CT45A1: variants seen among roughly 807,000 people sequenced by gnomAD.
The protein encoded by CT45A1 is cancer/testis antigen 45-1.
At chrX:135,715,281 A>G (rs1301753586) in intron 1 of CT45A1, among the ~76,000 whole-genome samples, 1 of 84,430 alleles carries the variant, frequency 1.2e-5, no homozygotes, top group Non-Finnish European at 2.2e-5. Context: ...TATATATAAT[A>G]CTTATATATA....
the CT45A1 span, among the ~76,000 whole-genome samples, chrX:135,708,514 G>C: frequency 9.0e-6 from 1 of 110,501 alleles, no homozygotes; most frequent in Admixed American, 9.6e-5. Context: ...ATGTGGTTCC[G>C]CTCTGGAGAC....
chrX:135,712,977 T>C (rs868910957), upstream of CT45A1, among the ~76,000 whole-genome samples: 9 of 4,555 alleles, frequency 2.0e-3, no homozygotes, highest in South Asian at 0.017. Flanking sequence ...TTCTTTCTTT[T>C]CTTTCTCCTT....
upstream of CT45A1, among the ~76,000 whole-genome samples, chrX:135,708,727 A>C (rs1480588569): frequency 9.0e-6 from 1 of 111,353 alleles, no homozygotes; most frequent in African/African-American, 3.3e-5. Flanking sequence ...CACCTTATGA[A>C]CACCATCTTG....
At chrX:135,715,232 AC>A (rs2087969494) in intron 1 of CT45A1, among the ~76,000 whole-genome samples, 1 of 81,563 alleles carries the variant, frequency 1.2e-5, no homozygotes, top group Non-Finnish European at 2.4e-5. Flanking sequence ...TATATATAAT[AC>A]TTATATATAT....
At chrX:135,711,527 C>G (rs1410946533), upstream of CT45A1, among the ~76,000 whole-genome samples, 1 of 111,226 alleles carries the variant, frequency 9.0e-6, no homozygotes, top group Non-Finnish European at 1.9e-5. Flanking sequence ...TTGTGCCTCC[C>G]AGGTTCAAGT....
Position 135,717,984 on chromosome X carries a change from T to G in CT45A1, c.-6-951T>G, listed in dbSNP as rs782545850. Among the ~76,000 whole-genome samples, 10 of 112,224 alleles carry G rather than the reference T, an allele frequency of 8.9e-5. No individual in the cohort carries two copies. The South Asian group carries it at 1.1e-3, about 13-fold the overall frequency. ...TGGATAGTGGACATCTTTGTCTTGT[T>G]TTCAAACTCAGGGAGAAAATACTGA... On this transcript the variant is annotated intron_variant, in intron 1 of 4. Coordinates refer to ENST00000594565, the MANE Select transcript of CT45A1 (RefSeq NM_001017417.3).
the CT45A1 span, among the ~76,000 whole-genome samples, chrX:135,708,606 G>A: frequency 6.3e-5 from 7 of 110,713 alleles, no homozygotes; most frequent in Admixed American, 3.9e-4. Flanking sequence ...TCACTAACTT[G>A]TCAATGTGTC....
chrX:135,712,929 T>TTTCTTTC (rs782757219), upstream of CT45A1, among the ~76,000 whole-genome samples: 1 of 62,943 alleles, frequency 1.6e-5, no homozygotes, highest in African/African-American at 9.2e-5. Context: ...TTTTCTTTTC[T>TTTCTTTC]TTTCTTTTTT....
upstream of CT45A1, among the ~76,000 whole-genome samples, chrX:135,709,133 C>T (rs185142231): frequency 3.4e-3 from 382 of 112,414 alleles, 2 homozygotes; most frequent in Non-Finnish European, 5.6e-3. Context: ...CGCAACAAAA[C>T]CACCTGCAGT....
chrX:135,723,185 A>G lies in CT45A1; in HGVS notation c.*152A>G. 1 of 352,217 alleles carries G rather than the reference A, an allele frequency of 2.8e-6. No homozygotes were observed. The highest frequency in any genetic ancestry group is 4.4e-6 in the Non-Finnish European group (1 of 229,696). The allele number at this position is 352,217 out of a possible 1,213,427, so 29.0% of individuals were successfully genotyped here. A position where few individuals can be genotyped will look rare whatever the true frequency, so the allele number is the denominator to read the frequency against. ...GTTACCGAATCAAATAGCCTTCCAG[A>G]GGCTAAGAAATTTCTGTTAGTAAAA... On this transcript the variant is annotated 3_prime_UTR_variant, in exon 5 of 5. Transcript: ENST00000594565.
chrX:135,711,692 C>T (rs1556569582), upstream of CT45A1, among the ~76,000 whole-genome samples: 2 of 111,873 alleles, frequency 1.8e-5, no homozygotes, highest in African/African-American at 6.5e-5. Context: ...AGTGAAACTG[C>T]TTGTTCCATT....
intron 1 of CT45A1, among the ~76,000 whole-genome samples, chrX:135,717,526 G>A (rs2087997318): frequency 9.3e-6 from 1 of 107,305 alleles, no homozygotes; most frequent in Admixed American, 1.0e-4. Context: ...TCCAGCCTGG[G>A]CGACAGAGGG....
At chrX:135,713,514 C>G (rs1355713792), upstream of CT45A1, 1 of 729,730 alleles carries the variant, frequency 1.4e-6, no homozygotes, top group African/African-American at 2.5e-5. Flanking sequence ...CCCCTTTGGA[C>G]CAAACGGGAT....
intron 1 of CT45A1, among the ~76,000 whole-genome samples, chrX:135,717,075 T>A (rs1217914183): frequency 8.9e-6 from 1 of 111,761 alleles, no homozygotes; most frequent in Non-Finnish European, 1.9e-5. Context: ...AAAAAAACTT[T>A]GTATTTTCCT....
the CT45A1 span, among the ~76,000 whole-genome samples, chrX:135,708,636 A>C: frequency 5.4e-5 from 6 of 111,102 alleles, no homozygotes; most frequent in Non-Finnish European, 1.1e-4. Context: ...CACAACATTG[A>C]TAAAACAAGC....
upstream of CT45A1, among the ~76,000 whole-genome samples, chrX:135,712,179 C>CTTTTTTTTTTTT (rs782572662): frequency 3.9e-4 from 19 of 48,418 alleles, no homozygotes; most frequent in Non-Finnish European, 4.7e-4. Flanking sequence ...TTTTTTCTTT[C>CTTTTTTTTTTTT]TTTTTTTTTT....
rs2088042004 is a variant in CT45A1 at position 135,723,197 on chromosome X, TTC to T, written c.*166_*167del. 3.1e-6 allele frequency: 1 copy of T among 323,348 alleles called. No homozygotes were observed. The highest frequency in any genetic ancestry group is 3.6e-5 in the African/African-American group (1 of 27,689). The allele number at this position is 323,348 out of a possible 1,213,427, so 26.6% of individuals were successfully genotyped here. A position where few individuals can be genotyped will look rare whatever the true frequency, so the allele number is the denominator to read the frequency against. On this transcript the variant is annotated 3_prime_UTR_variant, in exon 5 of 5. Coordinates refer to ENST00000594565, the MANE Select transcript of CT45A1 (RefSeq NM_001017417.3). ...AATAGCCTTCCAGAGGCTAAGAAAT[TTC>T]TGTTAGTAAAAGATGTTCTTTTTCC...
chrX:135,712,293 C>T (rs1429736363), upstream of CT45A1, among the ~76,000 whole-genome samples: 2 of 101,484 alleles, frequency 2.0e-5, no homozygotes, highest in Admixed American at 1.1e-4. Context: ...TCTCAAGCCT[C>T]CCAAGTAGCT....
upstream of CT45A1, among the ~76,000 whole-genome samples, chrX:135,712,559 C>T (rs1161706583): frequency 2.1e-4 from 23 of 110,415 alleles, no homozygotes; most frequent in Admixed American, 7.7e-4. Flanking sequence ...GACAGAGTCT[C>T]GCTCTGTTAC....
Sources: gnomAD v4.1 joint callset for allele counts (sites outside exome capture counted in the v4.1 genomes callset) on GRCh38, gnomAD v4.1.1 for gene constraint, MANE v1.5 for transcripts, NCBI Gene and HGNC (gene_info 2026-07-23, HGNC 2026-07-21) for gene names.